OR6T1: variants seen among roughly 807,000 people sequenced by gnomAD.
OR6T1 encodes the protein olfactory receptor 6T1.
For missense variants in OR6T1, 389 were observed against 390.5 expected, an observed-to-expected ratio of 1.00 and a Z score of 0.03; for synonymous variants, 179 against 159.1, an observed-to-expected ratio of 1.13 and a Z score of -0.94.
Position 123,942,965 on chromosome 11 carries a change from G to A in OR6T1, c.874C>T (p.Leu292Phe). ...GCTTGCTGCACCTTGTCATTGCGGA[G>A]AGTGAAGATGAATGGGTTCAAGAGG... The part of the protein sequence containing the change: ...TPLLNPFIFT[L>F]RNDKVQQALR... Residue 292 changes from leucine (L) to phenylalanine (F), a missense_variant, in exon 1 of 1, where the codon CTC becomes TTC. Coordinates refer to ENST00000321252, the MANE Select transcript of OR6T1 (RefSeq NM_001005187.1). The A allele has an allele frequency of 6.2e-7, 1 of 1,614,166 alleles. No individual in the cohort carries two copies. The highest frequency in any genetic ancestry group is 1.1e-5 in the South Asian group (1 of 91,072).
rs547481095 is a variant in OR6T1, at chr11:123,943,356, G to A, written c.483C>T (p.Val161=). ...CACAGAAAGGCAGGCTGGCCATGAG[G>A]ACAGTGGGGCAAAGGACCCAGAGGA... The part of the protein sequence containing the change: ...AGFLWVLCPT[V]LMASLPFCGP... Residue 161 remains valine, a synonymous_variant, in exon 1 of 1, where the codon GTC becomes GTT. Transcript: ENST00000321252. 1.9e-6 allele frequency: 3 copies of A among 1,614,054 alleles called. No individual in the cohort carries two copies. The highest frequency in any genetic ancestry group is 2.5e-6 in the Non-Finnish European group (3 of 1,180,036).
In OR6T1 at chr11:123,943,356, G is replaced by T; in HGVS notation, c.483C>A (p.Val161=). The change falls in exon 1 of 1, where the codon GTC becomes GTA. Residue 161 remains valine (V), a synonymous_variant. Coordinates refer to ENST00000321252, the MANE Select transcript of OR6T1 (RefSeq NM_001005187.1). ...CACAGAAAGGCAGGCTGGCCATGAG[G>T]ACAGTGGGGCAAAGGACCCAGAGGA... ...AGFLWVLCPT[V]LMASLPFCGP... is the part of the protein sequence containing the mutation. The T allele has an allele frequency of 5.0e-6, 8 of 1,614,172 alleles. No individual in the cohort carries two copies. Among genetic ancestry groups the T allele is most frequent in the Non-Finnish European group, 6.8e-6 (8 of 1,180,028 alleles).
chr11:123,943,317 A>G lies in OR6T1; in HGVS notation c.522T>C (p.Ile174=). 2 of 1,614,182 alleles carry G rather than the reference A, an allele frequency of 1.2e-6. No individual in the cohort carries two copies. Among genetic ancestry groups the G allele is most frequent in the Non-Finnish European group, 1.7e-6 (2 of 1,180,022 alleles). Reference sequence around the variant, plus strand: ...GCCAACTGTCACGAAAGAAGTGGTCAATACCATTGGGGCCACAGAAAGGCA... The same window carrying G: ...GCCAACTGTCACGAAAGAAGTGGTCGATACCATTGGGGCCACAGAAAGGCA... ...ASLPFCGPNG[I]DHFFRDSWPL... Residue 174 remains isoleucine (I), a synonymous_variant, in exon 1 of 1, where the codon ATT becomes ATC. Transcript: ENST00000321252.
In OR6T1 at chr11:123,943,183, G is replaced by A. The variant is rs370118845; in HGVS notation, c.656C>T (p.Ala219Val). The change falls in exon 1 of 1, where the codon GCC becomes GTC. Residue 219 changes from alanine (A) to valine (V), a missense_variant. Ala to Val is a moderately conservative substitution (Grantham distance 64, BLOSUM62 0). Coordinates refer to ENST00000321252, the MANE Select transcript of OR6T1 (RefSeq NM_001005187.1). ...GSLALTSVSYACILATVLRAP... is the reference protein window; with the variant it reads ...GSLALTSVSYVCILATVLRAP... ...CCTGAGAACAGTGGCAAGAATGCAG[G>A]CATAGGAAACTGAGGTCAGAGCCAG... The A allele has an allele frequency of 6.2e-7, 1 of 1,614,166 alleles. No individual in the cohort carries two copies. The highest frequency in any genetic ancestry group is 8.5e-7 in the Non-Finnish European group (1 of 1,180,008).
Position 123,943,382 on chromosome 11 carries a change from A to G in OR6T1, c.457T>C (p.Phe153Leu). ...QLVLASWLAGFLWVLCPTVLM... is the reference protein window; with the variant it reads ...QLVLASWLAGLLWVLCPTVLM... ...ACAGTGGGGCAAAGGACCCAGAGGA[A>G]TCCAGCTAGCCAGGAGGCCAGCACT... is the stretch of plus-strand genomic sequence containing the variant. Residue 153 changes from phenylalanine to leucine, a missense_variant, in exon 1 of 1, where the codon TTC becomes CTC. Phe to Leu is a conservative substitution (Grantham distance 22). Coordinates refer to ENST00000321252, the MANE Select transcript of OR6T1 (RefSeq NM_001005187.1). The G allele has an allele frequency of 6.2e-7, 1 of 1,614,208 alleles. No individual in the cohort carries two copies. Among genetic ancestry groups the G allele is most frequent in the Non-Finnish European group, 8.5e-7 (1 of 1,180,030 alleles).
Position 123,942,999 on chromosome 11 carries a change from G to A in OR6T1, c.840C>T (p.Ile280=), listed in dbSNP as rs754082913. The A allele has an allele frequency of 1.7e-5, 27 of 1,614,044 alleles. No homozygotes were observed. The African/African-American group carries it at 2.8e-4, about 17-fold the overall frequency. The part of the protein sequence containing the change: ...LNKGASVLSC[I]ITPLLNPFIF... ...TGAATGGGTTCAAGAGGGGTGTGAT[G>A]ATGCAGCTCAGGACGGAGGCACCTT... is the stretch of plus-strand genomic sequence containing the variant. The change falls in exon 1 of 1, where the codon ATC becomes ATT. Residue 280 remains isoleucine, a synonymous_variant. Coordinates refer to ENST00000321252, the MANE Select transcript of OR6T1 (RefSeq NM_001005187.1).
Position 123,942,909 on chromosome 11 carries a change from G to T in OR6T1, c.930C>A (p.Leu310=). 1.2e-6 allele frequency: 2 copies of T among 1,613,988 alleles called. No individual in the cohort carries two copies. Among genetic ancestry groups the T allele is most frequent in the Non-Finnish European group, 1.7e-6 (2 of 1,179,946 alleles). Residue 310 remains leucine (L), a synonymous_variant, in exon 1 of 1, where the codon CTC becomes CTA. Transcript: ENST00000321252. ...ALREALGWPR[L]TAVMKLRVTS... is the part of the protein sequence containing the mutation. ...TGACCCTCAGTTTCATCACAGCAGT[G>T]AGCCTGGGCCACCCCAAGGCTTCTC... is the stretch of plus-strand genomic sequence containing the variant.
At position 123,943,425 on chromosome 11, in the gene OR6T1, G is replaced by C; in HGVS notation, c.414C>G (p.Gly138=). The C allele has an allele frequency of 6.2e-7, 1 of 1,614,188 alleles. No homozygotes were observed. Among genetic ancestry groups the C allele is most frequent in the East Asian group, 2.2e-5 (1 of 44,856 alleles). ...CCAGCACTAGTTGGGAACAGACATG[G>C]CCATTCATCAGGGTCTCATAGCGGA... ...RPLRYETLMN[G]HVCSQLVLAS... is the part of the protein sequence containing the mutation. Residue 138 remains glycine (G), a synonymous_variant, in exon 1 of 1, where the codon GGC becomes GGG. Transcript: ENST00000321252.
At position 123,943,491 on chromosome 11, in the gene OR6T1, G is replaced by A. The variant is rs200014167; in HGVS notation, c.348C>T (p.Ala116=). 2.3e-5 allele frequency: 37 copies of A among 1,614,078 alleles called. No individual in the cohort carries two copies. Among genetic ancestry groups the A allele is most frequent in the South Asian group, 1.2e-4 (11 of 91,064 alleles). ...FLGTTDFFLL[A]VMSLDRYLAI... is the part of the protein sequence containing the mutation. ...CCAGGTAACGATCCAGAGACATGAC[G>A]GCCAAGAGGAAGAAGTCAGTGGTGC... Residue 116 remains alanine, a synonymous_variant, in exon 1 of 1, where the codon GCC becomes GCT. Coordinates refer to ENST00000321252, the MANE Select transcript of OR6T1 (RefSeq NM_001005187.1).
Position 123,943,741 on chromosome 11 carries a change from A to G in OR6T1, c.98T>C (p.Val33Ala). The G allele has an allele frequency of 1.9e-6, 3 of 1,614,206 alleles. No individual in the cohort carries two copies. The highest frequency in any genetic ancestry group is 2.5e-6 in the Non-Finnish European group (3 of 1,180,020). Residue 33 changes from valine to alanine, a missense_variant, in exon 1 of 1, where the codon GTG becomes GCG. Physicochemically the swap from Val to Ala is moderately conservative, Grantham distance 64 (BLOSUM62 0). Transcript: ENST00000321252. ...GCCTGTGGCTGTTACAATGTAGGTC[A>G]CCATTAACCCCAGGAACACCAGGAA... is the stretch of plus-strand genomic sequence containing the variant. ...IQFLVFLGLM[V>A]TYIVTATGKL...
Position 123,943,737 on chromosome 11 carries a change from G to T in OR6T1, c.102C>A (p.Thr34=), listed in dbSNP as rs566613857. ...GCTTGCCTGTGGCTGTTACAATGTAGGTCACCATTAACCCCAGGAACACCA... is the reference window on the plus strand; with the variant it reads ...GCTTGCCTGTGGCTGTTACAATGTATGTCACCATTAACCCCAGGAACACCA... ...QFLVFLGLMV[T]YIVTATGKLL... The change falls in exon 1 of 1, where the codon ACC becomes ACA. Residue 34 remains threonine, a synonymous_variant. Transcript: ENST00000321252. 1 of 1,614,132 alleles carries T rather than the reference G, an allele frequency of 6.2e-7. No individual in the cohort carries two copies. Among genetic ancestry groups the T allele is most frequent in the Admixed American group, 1.7e-5 (1 of 60,030 alleles).
rs140244798 is a variant in OR6T1, at chr11:123,943,732, A to G, written c.107T>C (p.Ile36Thr). Residue 36 changes from isoleucine to threonine, a missense_variant, in exon 1 of 1, where the codon ATT becomes ACT. Coordinates refer to ENST00000321252, the MANE Select transcript of OR6T1 (RefSeq NM_001005187.1). ...LVFLGLMVTY[I>T]VTATGKLLII... Reference sequence around the variant, plus strand: ...TAGCAGCTTGCCTGTGGCTGTTACAATGTAGGTCACCATTAACCCCAGGAA... The same window carrying G: ...TAGCAGCTTGCCTGTGGCTGTTACAGTGTAGGTCACCATTAACCCCAGGAA... 0.013 allele frequency: 20,204 copies of G among 1,614,136 alleles called. 145 individuals carry two copies. Among genetic ancestry groups the G allele is most frequent in the Admixed American group, 0.015 (898 of 60,024 alleles).
At position 123,943,584 on chromosome 11, in the gene OR6T1, G is replaced by C. The variant is rs1227325787; in HGVS notation, c.255C>G (p.Ile85Met). ...ATGAGATGGTGTGATCCCCCGTGAG[G>C]ATGACGACAAGCATCTTGGGAACCA... ...TVVVPKMLVVILTGDHTISFV... is the reference protein window; with the variant it reads ...TVVVPKMLVVMLTGDHTISFV... Residue 85 changes from isoleucine (I) to methionine (M), a missense_variant, in exon 1 of 1, where the codon ATC becomes ATG. Coordinates refer to ENST00000321252, the MANE Select transcript of OR6T1 (RefSeq NM_001005187.1). 2 of 1,614,242 alleles carry C rather than the reference G, an allele frequency of 1.2e-6. No homozygotes were observed. Among genetic ancestry groups the C allele is most frequent in the Middle Eastern group, 1.6e-4 (1 of 6,062 alleles).
At position 123,943,409 on chromosome 11, in the gene OR6T1, G is replaced by A. The variant is rs1342239367; in HGVS notation, c.430C>T (p.Leu144=). ...TLMNGHVCSQ[L]VLASWLAGFL... ...CCAGCTAGCCAGGAGGCCAGCACTA[G>A]TTGGGAACAGACATGGCCATTCATC... Residue 144 remains leucine (L), a synonymous_variant, in exon 1 of 1, where the codon CTA becomes TTA. Transcript: ENST00000321252. 1 of 1,614,086 alleles carries A rather than the reference G, an allele frequency of 6.2e-7. No individual in the cohort carries two copies. Among genetic ancestry groups the A allele is most frequent in the African/African-American group, 1.3e-5 (1 of 74,946 alleles).
In OR6T1 at chr11:123,942,961, C is replaced by A. The variant is rs200267958; in HGVS notation, c.878G>T (p.Arg293Leu). Reference sequence around the variant, plus strand: ...CAGTGCTTGCTGCACCTTGTCATTGCGGAGAGTGAAGATGAATGGGTTCAA... The same window carrying A: ...CAGTGCTTGCTGCACCTTGTCATTGAGGAGAGTGAAGATGAATGGGTTCAA... ...PLLNPFIFTL[R>L]NDKVQQALRE... Residue 293 changes from arginine (R) to leucine (L), a missense_variant, in exon 1 of 1, where the codon CGC becomes CTC. Arg to Leu is a moderately radical substitution (Grantham distance 102). Transcript: ENST00000321252. 2.5e-6 allele frequency: 4 copies of A among 1,614,058 alleles called. No individual in the cohort carries two copies. In the African/African-American group the frequency reaches 5.3e-5, roughly 22 times the overall value.
rs7129884 is a variant in OR6T1, at chr11:123,943,116, G to A, written c.723C>T (p.Cys241=). 512,935 of 1,613,850 alleles carry A rather than the reference G, an allele frequency of 0.32. 84,280 individuals carry two copies. The highest frequency in any genetic ancestry group is 0.36 in the Admixed American group (21,799 of 60,010). Residue 241 remains cysteine, a synonymous_variant, in exon 1 of 1, where the codon TGC becomes TGT. Coordinates refer to ENST00000321252, the MANE Select transcript of OR6T1 (RefSeq NM_001005187.1). ...TGACCACCACTGTAAGATGCGAGGC[G>A]CAAGTGGAAAACGCTTTCCTTCGCT... ...AAERRKAFST[C]ASHLTVVVII...
chr11:123,943,098 C>A lies in OR6T1; in HGVS notation c.741G>T (p.Val247=). The change falls in exon 1 of 1, where the codon GTG becomes GTT. Residue 247 remains valine, a synonymous_variant. Coordinates refer to ENST00000321252, the MANE Select transcript of OR6T1 (RefSeq NM_001005187.1). ...AFSTCASHLT[V]VVIIYGSSIF... is the part of the protein sequence containing the mutation. The stretch of plus-strand genomic sequence containing the variant: ...TGGAACTGCCATAGATGATGACCAC[C>A]ACTGTAAGATGCGAGGCGCAAGTGG... 2 of 1,614,204 alleles carry A rather than the reference C, an allele frequency of 1.2e-6. No individual in the cohort carries two copies. The highest frequency in any genetic ancestry group is 1.7e-6 in the Non-Finnish European group (2 of 1,180,038).
chr11:123,942,883 G>A lies in OR6T1; in HGVS notation c.956C>T (p.Thr319Ile). Residue 319 changes from threonine (T) to isoleucine (I), a missense_variant, in exon 1 of 1, where the codon ACA (threonine) becomes ATA (isoleucine). Transcript: ENST00000321252. ...TTAATAAGATCATTTCCTTTGACTTGTGACCCTCAGTTTCATCACAGCAGT... is the reference window on the plus strand; with the variant it reads ...TTAATAAGATCATTTCCTTTGACTTATGACCCTCAGTTTCATCACAGCAGT... ...RLTAVMKLRV[T>I]SQRK 6.2e-7 allele frequency: 1 copy of A among 1,613,400 alleles called. No homozygotes were observed. The highest frequency in any genetic ancestry group is 8.5e-7 in the Non-Finnish European group (1 of 1,179,726).
In OR6T1 at chr11:123,943,612, A is replaced by G; in HGVS notation, c.227T>C (p.Val76Ala). The G allele has an allele frequency of 6.2e-7, 1 of 1,614,218 alleles. No individual in the cohort carries two copies. The highest frequency in any genetic ancestry group is 8.5e-7 in the Non-Finnish European group (1 of 1,180,026). ...FSFLELLLVT[V>A]VVPKMLVVIL... Reference sequence around the variant, plus strand: ...GACGACAAGCATCTTGGGAACCACAACAGTTACCAGCAACAGCTCCAGGAA... The same window carrying G: ...GACGACAAGCATCTTGGGAACCACAGCAGTTACCAGCAACAGCTCCAGGAA... The change falls in exon 1 of 1, where the codon GTT (valine) becomes GCT (alanine). Residue 76 changes from valine to alanine, a missense_variant. Transcript: ENST00000321252.
Sources: allele counts gnomAD v4.1 joint callset, GRCh38; gene constraint gnomAD v4.1.1; transcripts MANE v1.5; gene names NCBI Gene and HGNC (gene_info 2026-07-23, HGNC 2026-07-21).